Variants in SNX29 observed in about 807,000 individuals in gnomAD.
SNX29 encodes the protein sorting nexin 29.
A neutral mutation model predicts 102.1 loss-of-function variants in SNX29; 78 were observed. That is an observed-to-expected ratio of 0.76 (90% CI 0.64 to 0.92). The LOEUF (loss-of-function observed/expected upper bound fraction) is 0.92. Among genes scored for constraint, SNX29 ranks in the 40% least tolerant of loss-of-function variants. SNX29 has a pLI of 0.00. For missense variants in SNX29, 1,280 were observed against 1,061.7 expected, an observed-to-expected ratio of 1.21 and a Z score of -2.86; for synonymous variants, 580 against 414.5, an observed-to-expected ratio of 1.40 and a Z score of -4.85.
chr16:12,076,344 A>G (rs1596787703), intron 10 of SNX29, among the ~76,000 whole-genome samples: 1 of 139,272 alleles, frequency 7.2e-6, no homozygotes, highest in South Asian at 2.2e-4. Flanking sequence ...TCTGTCGCCC[A>G]GGCTGGAGTG....
chr16:12,252,266 T>G (rs546914586), intron 14 of SNX29, among the ~76,000 whole-genome samples: 1 of 151,652 alleles, frequency 6.6e-6, no homozygotes, highest in South Asian at 2.1e-4. Flanking sequence ...TCTTCCTCTA[T>G]CCTCCTGTCT....
chr16:12,555,687 T>A (rs565826442), intron 20 of SNX29, among the ~76,000 whole-genome samples: 1 of 152,086 alleles, frequency 6.6e-6, no homozygotes, highest in Non-Finnish European at 1.5e-5. Context: ...AGAATAAGCC[T>A]TCCGATACTC....
chr16:12,540,788 A>C (rs554720041), intron 20 of SNX29, among the ~76,000 whole-genome samples: 47 of 152,306 alleles, frequency 3.1e-4, no homozygotes, highest in Admixed American at 2.8e-3. Flanking sequence ...CAGGTGCTTG[A>C]GGACTGCTCA....
rs58531196 is a variant in SNX29 at position 12,383,772 on chromosome 16, CTT to C, written c.1900-14656_1900-14655del. Reference sequence around the variant, plus strand: ...TAAAAAAAAAAGATACGTCAACTTTCTTTTTTTTTTTTTTTTTTTGCTATCAA... The same window carrying C: ...TAAAAAAAAAAGATACGTCAACTTTCTTTTTTTTTTTTTTTTTGCTATCAA... On this transcript the variant is annotated intron_variant, in intron 16 of 20. Coordinates refer to ENST00000566228, the MANE Select transcript of SNX29 (RefSeq NM_032167.5). 7.0e-3 allele frequency among the ~76,000 whole-genome samples: 738 copies of C among 105,908 alleles called. 3 individuals are homozygous for C. Among genetic ancestry groups the C allele is most frequent in the African/African-American group, 0.025 (660 of 26,522 alleles). The allele number at this position is 105,908 out of a possible 152,430, so 69.5% of individuals were successfully genotyped here. A position where few individuals can be genotyped will look rare whatever the true frequency, so the allele number is the denominator to read the frequency against.
At position 12,571,768 on chromosome 16, in the gene SNX29, CAG is replaced by C. The variant is rs1567230383; in HGVS notation, c.*3141_*3142del. ...CCAACCATCCACTCCTGATCTGAGA[CAG>C]AACCTTCTCCGCCACTCTTCCTGCA... On this transcript the variant is annotated 3_prime_UTR_variant, in exon 21 of 21. Transcript: ENST00000566228. The C allele has an allele frequency of 2.1e-5, 21 of 1,009,604 alleles. No homozygotes were observed. Among genetic ancestry groups the C allele is most frequent in the Non-Finnish European group, 2.5e-5 (21 of 829,518 alleles). The allele number at this position is 1,009,604 out of a possible 1,614,324, so 62.5% of individuals were successfully genotyped here. A position where few individuals can be genotyped will look rare whatever the true frequency, so the allele number is the denominator to read the frequency against.
intron 19 of SNX29, among the ~76,000 whole-genome samples, chr16:12,523,140 G>A (rs1382189699): frequency 6.6e-6 from 1 of 152,170 alleles, no homozygotes; most frequent in African/African-American, 2.4e-5. Flanking sequence ...CGGGGACCAG[G>A]GCACGTGATG....
At chr16:12,024,290 C>T (rs1005384775) in intron 3 of SNX29, among the ~76,000 whole-genome samples, 3 of 151,988 alleles carry the variant, frequency 2.0e-5, no homozygotes, top group Non-Finnish European at 2.9e-5. Context: ...AAGCATGTGC[C>T]GCCACACCCA....
Position 12,562,948 on chromosome 16 carries a change from A to G in SNX29, c.2319-5558A>G, listed in dbSNP as rs983220309. 7.2e-5 allele frequency among the ~76,000 whole-genome samples: 11 copies of G among 152,030 alleles called. No individual in the cohort carries two copies. In the East Asian group the frequency reaches 1.7e-3, roughly 24 times the overall value. ...GCCAAAAACCTGCATAGTAAGAAGC[A>G]AACATTCACCCAACACAAGGGGTGA... On this transcript the variant is annotated intron_variant, in intron 20 of 20. Transcript: ENST00000566228.
chr16:12,251,961 A>G (rs1349610682), intron 14 of SNX29, among the ~76,000 whole-genome samples: 7 of 152,012 alleles, frequency 4.6e-5, no homozygotes, highest in Non-Finnish European at 1.0e-4. Flanking sequence ...AGGTCCTGCT[A>G]TGTTGCTCAG....
intron 11 of SNX29, among the ~76,000 whole-genome samples, chr16:12,100,211 C>G (rs1456470551): frequency 2.6e-5 from 4 of 152,196 alleles, no homozygotes; most frequent in Admixed American, 2.0e-4. Context: ...AGGTGCTGTG[C>G]TGGCTCTAGG....
chr16:12,561,813 G>T (rs1047645356), intron 20 of SNX29, among the ~76,000 whole-genome samples: 1 of 152,108 alleles, frequency 6.6e-6, no homozygotes, highest in Admixed American at 6.5e-5. Context: ...GCTCATTACC[G>T]CAGCTTACAT....
chr16:12,497,406 G>A (rs1167550292), intron 19 of SNX29, among the ~76,000 whole-genome samples: 1 of 152,202 alleles, frequency 6.6e-6, no homozygotes, highest in African/African-American at 2.4e-5. Flanking sequence ...CTATGGAGGA[G>A]GTTAAATTAG....
In SNX29 at chr16:12,464,188, C is replaced by A. The variant is rs13338885; in HGVS notation, c.2038-13531C>A. Among the ~76,000 whole-genome samples the A allele has an allele frequency of 3.2e-3, 477 of 150,644 alleles. 6 individuals are homozygous for A. The highest frequency in any genetic ancestry group is 0.011 in the African/African-American group (448 of 40,758). ...GGTTTATCCATGTTGTCACAAATGA[C>A]AGAATTCCCTTCTTTTTTATGGCTG... On this transcript the variant is annotated intron_variant, in intron 18 of 20. Transcript: ENST00000566228.
At chr16:12,437,675 C>T (rs1026179546) in intron 18 of SNX29, among the ~76,000 whole-genome samples, 2 of 152,170 alleles carry the variant, frequency 1.3e-5, no homozygotes, top group East Asian at 1.9e-4. Context: ...AGCCCCAGGA[C>T]CCAGAGTCCC....
chr16:12,355,123 A>T (rs2082094481), intron 15 of SNX29, among the ~76,000 whole-genome samples: 1 of 152,186 alleles, frequency 6.6e-6, no homozygotes, highest in African/African-American at 2.4e-5. Flanking sequence ...TCTCTCACTG[A>T]TGAAGGGGAG....
At chr16:12,143,398 T>C (rs958823062) in intron 13 of SNX29, among the ~76,000 whole-genome samples, 12 of 147,906 alleles carry the variant, frequency 8.1e-5, no homozygotes, top group Non-Finnish European at 1.6e-4. Context: ...AGGTGTGGAC[T>C]TGAGTCCTGC....
At chr16:12,435,356 A>C (rs2085490299) in intron 18 of SNX29, among the ~76,000 whole-genome samples, 1 of 152,172 alleles carries the variant, frequency 6.6e-6, no homozygotes, top group Non-Finnish European at 1.5e-5. Context: ...GATCAGAAAA[A>C]GATCCCATTT....
chr16:12,185,032 A>T (rs1431292462), intron 13 of SNX29, among the ~76,000 whole-genome samples: 1 of 152,218 alleles, frequency 6.6e-6, no homozygotes, highest in African/African-American at 2.4e-5. Context: ...GTCACAAGAA[A>T]GGCTGTTTGT....
intron 13 of SNX29, among the ~76,000 whole-genome samples, chr16:12,158,978 G>A (rs569511891): frequency 6.6e-6 from 1 of 152,344 alleles, no homozygotes; most frequent in African/African-American, 2.4e-5. Flanking sequence ...AGAATGGGCG[G>A]AGAATGAGAT....
Sources: allele counts gnomAD v4.1 joint callset (sites outside exome capture counted in the v4.1 genomes callset), GRCh38; gene constraint gnomAD v4.1.1; transcripts MANE v1.5; gene names NCBI Gene and HGNC (gene_info 2026-07-23, HGNC 2026-07-21).